SEMA5A: variants seen among roughly 807,000 people sequenced by gnomAD.
The protein encoded by SEMA5A is semaphorin-5A.
A neutral mutation model predicts 135.5 loss-of-function variants in SEMA5A; 55 were observed. The observed-to-expected ratio is 0.41, with a 90% confidence interval of 0.33 to 0.51. The LOEUF is 0.51. SEMA5A is among the 20% of genes least tolerant of loss of function. The pLI is 0.37. For missense variants in SEMA5A, 1,290 were observed against 1,419.9 expected (o/e 0.91, Z 1.47); for synonymous variants, 580 against 546.5 (o/e 1.06, Z -0.85).
chr5:9,351,870 C>A (rs1428885937), intron 3 of SEMA5A, among the ~76,000 whole-genome samples: 1 of 152,216 alleles, frequency 6.6e-6, no homozygotes, highest in African/African-American at 2.4e-5. Flanking sequence ...TTGGCTTTCT[C>A]TGTCTGCAAG....
At chr5:9,342,177 C>G (rs1292766658) in intron 3 of SEMA5A, among the ~76,000 whole-genome samples, 2 of 151,918 alleles carry the variant, frequency 1.3e-5, no homozygotes, top group Non-Finnish European at 2.9e-5. Context: ...AGCAGACACT[C>G]TAAATATAGC....
At chr5:9,148,485 A>C (rs1742459936) in intron 12 of SEMA5A, among the ~76,000 whole-genome samples, 1 of 152,152 alleles carries the variant, frequency 6.6e-6, no homozygotes, top group Admixed American at 6.5e-5. Flanking sequence ...ACGCGGGAGG[A>C]TTATGAGGAA....
Position 9,202,032 on chromosome 5 carries a change from G to T in SEMA5A, c.855C>A (p.Pro285=). The change falls in exon 9 of 23, where the codon CCC becomes CCA. Residue 285 remains proline, a synonymous_variant. Transcript: ENST00000382496. ...RLNCSRPGEV[P]FYYNELQSTF... ...TACTCTGCAATTCGTTGTAGTAAAA[G>T]GGGACTTCCCCAGGACGGGAGCAGT... The T allele has an allele frequency of 1.2e-6, 2 of 1,614,184 alleles. No individual in the cohort carries two copies. The highest frequency in any genetic ancestry group is 1.7e-6 in the Non-Finnish European group (2 of 1,180,038).
intron 21 of SEMA5A, among the ~76,000 whole-genome samples, chr5:9,046,336 G>T (rs1736251682): frequency 1.3e-5 from 2 of 152,336 alleles, no homozygotes; most frequent in South Asian, 2.1e-4. Flanking sequence ...GGCCTTTCAG[G>T]CTCTGGAGAT....
At chr5:9,125,120 GAA>G (rs1479601109) in intron 13 of SEMA5A, among the ~76,000 whole-genome samples, 1 of 143,844 alleles carries the variant, frequency 7.0e-6, no homozygotes, top group African/African-American at 2.5e-5. Context: ...GAACTAACAT[GAA>G]AAGTGTTCGT....
intron 4 of SEMA5A, among the ~76,000 whole-genome samples, chr5:9,330,841 A>G (rs1340566805): frequency 2.6e-5 from 4 of 152,226 alleles, no homozygotes; most frequent in Non-Finnish European, 5.9e-5. Flanking sequence ...TTTAAACCCT[A>G]AAGTGGAGGT....
At chr5:9,296,602 C>G (rs990323696) in intron 5 of SEMA5A, among the ~76,000 whole-genome samples, 1 of 151,948 alleles carries the variant, frequency 6.6e-6, no homozygotes, top group African/African-American at 2.4e-5. Context: ...TATTTCATAC[C>G]TTTATGCTCA....
chr5:9,301,011 C>T (rs538600438), intron 5 of SEMA5A, among the ~76,000 whole-genome samples: 1 of 152,198 alleles, frequency 6.6e-6, no homozygotes, highest in African/African-American at 2.4e-5. Flanking sequence ...TTTGTTATTG[C>T]ATCCCTAGAA....
chr5:9,263,166 TTTG>T (rs1320293428), intron 5 of SEMA5A, among the ~76,000 whole-genome samples: 1 of 152,116 alleles, frequency 6.6e-6, no homozygotes, highest in Non-Finnish European at 1.5e-5. Flanking sequence ...TTTTTGAGAA[TTTG>T]TTATCATTGA....
chr5:9,317,282 A>G (rs898195092), intron 5 of SEMA5A, among the ~76,000 whole-genome samples: 1 of 152,180 alleles, frequency 6.6e-6, no homozygotes, highest in South Asian at 2.1e-4. Flanking sequence ...AGAATAATAG[A>G]AAATTCTTGA....
intron 2 of SEMA5A, among the ~76,000 whole-genome samples, chr5:9,385,593 G>A (rs1755850262): frequency 1.3e-5 from 2 of 152,124 alleles, no homozygotes; most frequent in African/African-American, 4.8e-5. Flanking sequence ...AAGGAGTCAG[G>A]TGAGTGAGCT....
chr5:9,501,843 G>A (rs907654), intron 1 of SEMA5A, among the ~76,000 whole-genome samples: 60,716 of 152,042 alleles, frequency 0.4, 12,605 homozygotes, highest in Non-Finnish European at 0.44. Flanking sequence ...CACCAATTGG[G>A]TTTTCCCATA....
chr5:9,166,303 G>T (rs986389816), intron 11 of SEMA5A, among the ~76,000 whole-genome samples: 1 of 151,908 alleles, frequency 6.6e-6, no homozygotes, highest in African/African-American at 2.4e-5. Flanking sequence ...GTGGCCTCTG[G>T]GGCACAACAG....
chr5:9,144,240 A>T (rs1742211275), intron 12 of SEMA5A, among the ~76,000 whole-genome samples: 1 of 152,092 alleles, frequency 6.6e-6, no homozygotes, highest in Admixed American at 6.5e-5. Flanking sequence ...ACAATTACTT[A>T]TTTGCTATAT....
intron 3 of SEMA5A, among the ~76,000 whole-genome samples, chr5:9,373,228 T>C (rs1299381292): frequency 6.6e-6 from 1 of 152,212 alleles, no homozygotes; most frequent in Non-Finnish European, 1.5e-5. Context: ...TATAATGATA[T>C]GTTTTGAAAG....
intron 5 of SEMA5A, among the ~76,000 whole-genome samples, chr5:9,257,813 G>A (rs191733934): frequency 6.6e-6 from 1 of 151,800 alleles, no homozygotes; most frequent in African/African-American, 2.4e-5. Context: ...TCCATGGGAG[G>A]GTTCAGCAAA....
intron 16 of SEMA5A, among the ~76,000 whole-genome samples, chr5:9,071,805 A>G (rs950931293): frequency 6.6e-6 from 1 of 152,224 alleles, no homozygotes; most frequent in Non-Finnish European, 1.5e-5. Context: ...TGGTTTCCAT[A>G]TGCATTTATC....
At chr5:9,305,559 C>T (rs1751817953) in intron 5 of SEMA5A, among the ~76,000 whole-genome samples, 1 of 151,896 alleles carries the variant, frequency 6.6e-6, no homozygotes, top group Non-Finnish European at 1.5e-5. Flanking sequence ...CCACCGATGT[C>T]ACTATCCTTA....
rs561167387 is a variant in SEMA5A, at chr5:9,167,864, G to A, written c.1274-13169C>T. Among the ~76,000 whole-genome samples, 55 of 152,290 alleles carry A rather than the reference G, an allele frequency of 3.6e-4. No homozygotes were observed. In the East Asian group the frequency reaches 7.1e-3, roughly 20 times the overall value. ...TCATGCTCTCGGGATACAGTAGGCC[G>A]TCAGTTGAGTCTTAGTGAATGAACA... On this transcript the variant is annotated intron_variant, in intron 11 of 22. Transcript: ENST00000382496.
Sources: allele counts gnomAD v4.1 joint callset (sites outside exome capture counted in the v4.1 genomes callset), GRCh38; gene constraint gnomAD v4.1.1; transcripts MANE v1.5; gene names NCBI Gene and HGNC (gene_info 2026-07-23, HGNC 2026-07-21).